The following LRRC4C variants were observed in gnomAD, a reference collection of about 807,000 sequenced individuals.
LRRC4C encodes leucine-rich repeat-containing protein 4C.
LRRC4C carries 5 observed loss-of-function variants against 33.6 expected under a neutral mutation model. The observed-to-expected ratio is 0.15, with a 90% CI of 0.08 to 0.31. The LOEUF (loss-of-function observed/expected upper bound fraction) is 0.31. LRRC4C is among the 10% of genes least tolerant of loss of function. LRRC4C has a pLI of 1.00. For synonymous variants in LRRC4C, 329 were observed against 302.0 expected (o/e 1.09, Z -0.93); for missense variants, 560 against 796.7 (o/e 0.70, Z 3.58).
chr11:40,437,676 G>A (rs1199393132), intron 3 of LRRC4C, among the ~76,000 whole-genome samples: 1 of 151,636 alleles, frequency 6.6e-6, no homozygotes, highest in Non-Finnish European at 1.5e-5. Context: ...TTACAGGTGT[G>A]AGCCACCGTT....
At chr11:40,838,651 T>C (rs1952785635) in intron 2 of LRRC4C, among the ~76,000 whole-genome samples, 1 of 152,110 alleles carries the variant, frequency 6.6e-6, no homozygotes, top group South Asian at 2.1e-4. Flanking sequence ...GACATGTTTT[T>C]ATCTGTTGAA....
At chr11:40,820,093 A>G (rs751620787) in intron 2 of LRRC4C, among the ~76,000 whole-genome samples, 3 of 152,078 alleles carry the variant, frequency 2.0e-5, no homozygotes, top group Non-Finnish European at 4.4e-5. Flanking sequence ...CTGATTTTCA[A>G]CAAAAAGGTA....
intron 2 of LRRC4C, among the ~76,000 whole-genome samples, chr11:40,715,718 T>C (rs1463655946): frequency 6.6e-6 from 1 of 152,096 alleles, no homozygotes; most frequent in African/African-American, 2.4e-5. Context: ...GAAACTTCTA[T>C]CGAATTAAAA....
intron 2 of LRRC4C, among the ~76,000 whole-genome samples, chr11:40,776,210 A>G (rs535056882): frequency 6.6e-6 from 1 of 152,062 alleles, no homozygotes; most frequent in South Asian, 2.1e-4. Flanking sequence ...ATCTGTGTTC[A>G]TCAGAAATAT....
At chr11:41,443,637 C>A (rs1221903538) in intron 1 of LRRC4C, among the ~76,000 whole-genome samples, 1 of 143,730 alleles carries the variant, frequency 7.0e-6, no homozygotes, top group South Asian at 2.2e-4. Flanking sequence ...TTTTTTTCTT[C>A]TGAGTTTCAC....
Position 41,068,333 on chromosome 11 carries a change from C to T in LRRC4C, c.-495-134610G>A, listed in dbSNP as rs1310306680. On this transcript the variant is annotated intron_variant, in intron 1 of 6. Coordinates refer to ENST00000528697, the MANE Select transcript of LRRC4C (RefSeq NM_001258419.2). ...ACTTGAACCGGGGAGGTGGAGGTTGCGGTGAGCTGAGCGTGCCACCGCACT... is the reference window on the plus strand; with the variant it reads ...ACTTGAACCGGGGAGGTGGAGGTTGTGGTGAGCTGAGCGTGCCACCGCACT... 5.9e-5 allele frequency among the ~76,000 whole-genome samples: 9 copies of T among 152,016 alleles called. No individual in the cohort carries two copies. In the South Asian group the frequency reaches 6.2e-4, roughly 10 times the overall value.
Position 41,413,437 on chromosome 11 carries a change from A to G in LRRC4C, c.-496+45994T>C, listed in dbSNP as rs570591227. On this transcript the variant is annotated intron_variant, in intron 1 of 6. Transcript: ENST00000528697. ...ATGACACATGATAAACACTTGTTCAAAGTTAGCTATTGTTGTTGTGATTAA... is the reference window on the plus strand; with the variant it reads ...ATGACACATGATAAACACTTGTTCAGAGTTAGCTATTGTTGTTGTGATTAA... 1.6e-4 allele frequency among the ~76,000 whole-genome samples: 24 copies of G among 152,342 alleles called. No individual in the cohort carries two copies. The South Asian group carries it at 5.0e-3, about 32-fold the overall frequency.
At chr11:41,292,893 T>C (rs1950031284) in intron 1 of LRRC4C, among the ~76,000 whole-genome samples, 2 of 152,178 alleles carry the variant, frequency 1.3e-5, no homozygotes, top group African/African-American at 4.8e-5. Flanking sequence ...TGCTGTGAGT[T>C]GGCAATTTCT....
intron 2 of LRRC4C, among the ~76,000 whole-genome samples, chr11:40,670,215 A>G (rs1944022297): frequency 6.6e-6 from 1 of 152,200 alleles, no homozygotes; most frequent in Admixed American, 6.5e-5. Flanking sequence ...TATCACCTTC[A>G]CTAGACAAGG....
intron 2 of LRRC4C, among the ~76,000 whole-genome samples, chr11:40,665,325 A>AATATATATAT (rs1160594156): frequency 2.4e-3 from 32 of 13,378 alleles, no homozygotes; most frequent in East Asian, 8.5e-3. Context: ...AAAAAAAAAA[A>AATATATATAT]ATATATATAT....
At position 40,873,640 on chromosome 11, in the gene LRRC4C, G is replaced by T. The variant is rs11036118; in HGVS notation, c.-407+59995C>A. On this transcript the variant is annotated intron_variant, in intron 2 of 6. Coordinates refer to ENST00000528697, the MANE Select transcript of LRRC4C (RefSeq NM_001258419.2). ...ATTGTAAATGTCTTCTTAATTTCCA[G>T]AATATTGATCAATATCGATCTCCCA... Among the ~76,000 whole-genome samples the T allele has an allele frequency of 6.8e-4, 103 of 152,048 alleles. 1 individual carries two copies. The highest frequency in any genetic ancestry group is 2.5e-3 in the African/African-American group (102 of 41,410).
At chr11:40,594,308 C>G (rs1959174788) in intron 3 of LRRC4C, among the ~76,000 whole-genome samples, 1 of 152,238 alleles carries the variant, frequency 6.6e-6, no homozygotes, top group Non-Finnish European at 1.5e-5. Flanking sequence ...ATCCTCATTA[C>G]TTCCCTGTGA....
At chr11:40,368,917 C>G (rs1055870141) in intron 3 of LRRC4C, among the ~76,000 whole-genome samples, 6 of 152,052 alleles carry the variant, frequency 3.9e-5, no homozygotes, top group Non-Finnish European at 7.3e-5. Flanking sequence ...GATAATAAAG[C>G]CTACCTCCAG....
chr11:40,581,415 C>T (rs1958458360), intron 3 of LRRC4C, among the ~76,000 whole-genome samples: 1 of 152,116 alleles, frequency 6.6e-6, no homozygotes, highest in Non-Finnish European at 1.5e-5. Flanking sequence ...TGAGTTGTCC[C>T]CCTCTATATT....
chr11:41,160,835 T>A (rs1944438012), intron 1 of LRRC4C, among the ~76,000 whole-genome samples: 1 of 152,164 alleles, frequency 6.6e-6, no homozygotes, highest in Non-Finnish European at 1.5e-5. Context: ...CTCATAGTAG[T>A]GAGATATTAA....
At chr11:40,787,910 ACT>A (rs1199817190) in intron 2 of LRRC4C, among the ~76,000 whole-genome samples, 1 of 151,892 alleles carries the variant, frequency 6.6e-6, no homozygotes, top group Admixed American at 6.6e-5. Flanking sequence ...AGTTCACAGA[ACT>A]CTTCCCATGG....
intron 4 of LRRC4C, among the ~76,000 whole-genome samples, chr11:40,247,630 C>A (rs1274743913): frequency 6.7e-6 from 1 of 149,362 alleles, no homozygotes; most frequent in Non-Finnish European, 1.5e-5. Context: ...ACTGTCAATA[C>A]TGAACAATCA....
chr11:40,812,952 AT>A (rs1951553983), intron 2 of LRRC4C, among the ~76,000 whole-genome samples: 1 of 152,198 alleles, frequency 6.6e-6, no homozygotes, highest in Non-Finnish European at 1.5e-5. Flanking sequence ...TGGAAAAAAA[AT>A]ACATGATGAT....
intron 1 of LRRC4C, among the ~76,000 whole-genome samples, chr11:40,972,136 A>AAT (rs755451985): frequency 8.4e-4 from 116 of 137,884 alleles, no homozygotes; most frequent in African/African-American, 3.0e-3. Context: ...GGAAGCCATA[A>AAT]TTTTTTTTTT....
Sources: allele counts gnomAD v4.1 joint callset (sites outside exome capture counted in the v4.1 genomes callset), GRCh38; gene constraint gnomAD v4.1.1; transcripts MANE v1.5; gene names NCBI Gene and HGNC (gene_info 2026-07-23, HGNC 2026-07-21).